Variants in TSPEAR observed in about 807,000 individuals in gnomAD.
TSPEAR encodes thrombospondin-type laminin G domain and EAR repeat-containing protein.
In TSPEAR, 69 loss-of-function variants were observed where a neutral mutation model predicts 71.6. The ratio of observed to expected loss-of-function variants is 0.96; its 90% confidence interval spans 0.79 to 1.18. The LOEUF (loss-of-function observed/expected upper bound fraction) is 1.18. Ranked by LOEUF, TSPEAR falls within the 50% of genes most tolerant of loss-of-function variation. The pLI, the probability that TSPEAR is intolerant of heterozygous loss-of-function variation, is 0.00. For synonymous variants in TSPEAR, 402 were observed against 387.2 expected, an observed-to-expected ratio of 1.04 and a Z score of -0.45; for missense variants, 971 against 894.9, an observed-to-expected ratio of 1.09 and a Z score of -1.09.
At chr21:44,657,790 G>C in intron 1 of TSPEAR, 1 of 612,972 alleles carries the variant, frequency 1.6e-6, no homozygotes, top group South Asian at 1.9e-5. Flanking sequence ...ATTTATGGTG[G>C]AGCATGACGC....
chr21:44,601,742 C>A, intron 1 of TSPEAR: 1 of 1,603,632 alleles, frequency 6.2e-7, no homozygotes, highest in East Asian at 2.2e-5. Flanking sequence ...TGAGTGATCT[C>A]CTTAAGATCA....
intron 1 of TSPEAR, among the ~76,000 whole-genome samples, chr21:44,653,842 G>A (rs1301403452): frequency 6.6e-6 from 1 of 152,184 alleles, no homozygotes; most frequent in Admixed American, 6.5e-5. Context: ...GCCCGAGAGG[G>A]TGCTGTTGAG....
intron 1 of TSPEAR, among the ~76,000 whole-genome samples, chr21:44,648,677 A>G (rs1984586327): frequency 6.6e-6 from 1 of 152,218 alleles, no homozygotes; most frequent in African/African-American, 2.4e-5. Context: ...CTGTGCAGCC[A>G]GCGGGCAGAC....
intron 8 of TSPEAR, among the ~76,000 whole-genome samples, chr21:44,523,358 G>T (rs2052775850): frequency 6.6e-6 from 1 of 151,660 alleles, no homozygotes; most frequent in Admixed American, 6.6e-5. Context: ...GGTCAGTTGT[G>T]TCAGTCAGTC....
Position 44,616,764 on chromosome 21 carries a change from C to G in TSPEAR, c.83-48759G>C, listed in dbSNP as rs587729306. ...AGCGCAGGCAGCGCACGGACAGAGTCTGCGGTGTGACCACACCAAGCAGCC... is the reference window on the plus strand; with the variant it reads ...AGCGCAGGCAGCGCACGGACAGAGTGTGCGGTGTGACCACACCAAGCAGCC... On this transcript the variant is annotated intron_variant, in intron 1 of 11. Coordinates refer to ENST00000323084, the MANE Select transcript of TSPEAR (RefSeq NM_144991.3). 1.8e-4 allele frequency among the ~76,000 whole-genome samples: 28 copies of G among 152,388 alleles called. No individual in the cohort carries two copies. The South Asian group carries it at 4.8e-3, about 26-fold the overall frequency.
At position 44,612,614 on chromosome 21, in the gene TSPEAR, A is replaced by G. The variant is rs782611877; in HGVS notation, c.83-44609T>C. On this transcript the variant is annotated intron_variant, in intron 1 of 11. Coordinates refer to ENST00000323084, the MANE Select transcript of TSPEAR (RefSeq NM_144991.3). This position sits in a 1 kb window ranked among gnomAD's most constrained non-coding sequence, Gnocchi z 4.1. ...GGCCTGCTGTGTGCCCATCTGCTGC[A>G]AGCCCATCTGCTGTGTGCCTGTCTG... The G allele has an allele frequency of 6.2e-7, 1 of 1,613,052 alleles. No individual in the cohort carries two copies. Among genetic ancestry groups the G allele is most frequent in the East Asian group, 2.2e-5 (1 of 44,834 alleles).
At chr21:44,517,569 C>T in intron 9 of TSPEAR, 2 of 354,434 alleles carry the variant, frequency 5.6e-6, no homozygotes, top group South Asian at 4.2e-5. Flanking sequence ...TGGCACTGGC[C>T]CATGGGCTGT....
Position 44,623,244 on chromosome 21 carries a change from C to A in TSPEAR, c.83-55239G>T, listed in dbSNP as rs1463552540. Among the ~76,000 whole-genome samples the A allele has an allele frequency of 1.3e-5, 2 of 152,204 alleles. No homozygotes were observed. Among genetic ancestry groups the A allele is most frequent in the Non-Finnish European group, 2.9e-5 (2 of 68,038 alleles). ...TGGGGAGGCAAGATTCAACCCACTA[C>A]ACTCATCTACTTCCTCCTGAGTTGT... On this transcript the variant is annotated intron_variant, in intron 1 of 11. Coordinates refer to ENST00000323084, the MANE Select transcript of TSPEAR (RefSeq NM_144991.3). The surrounding 1 kb of genome is among the most constrained non-coding windows in gnomAD (Gnocchi z 4.5).
At chr21:44,589,167 T>TA (rs1177069610) in intron 1 of TSPEAR, among the ~76,000 whole-genome samples, 2 of 152,056 alleles carry the variant, frequency 1.3e-5, no homozygotes, top group Admixed American at 6.6e-5. Flanking sequence ...AAAATAAAAA[T>TA]AAAAAATAAA....
chr21:44,572,333 C>A (rs1368202159), intron 1 of TSPEAR, among the ~76,000 whole-genome samples: 2 of 152,218 alleles, frequency 1.3e-5, no homozygotes, highest in African/African-American at 2.4e-5. Flanking sequence ...ACCGTCCTGG[C>A]TGAGAAGAAA....
rs61369045 is a variant in TSPEAR, at chr21:44,676,971, C to T, written c.82+34462G>A. 2,625 of 925,286 alleles carry T rather than the reference C, an allele frequency of 2.8e-3. 42 individuals carry two copies. In the African/African-American group the frequency reaches 0.037, roughly 13 times the overall value. The allele number at this position is 925,286 out of a possible 1,614,324, so 57.3% of individuals were successfully genotyped here. A position where few individuals can be genotyped will look rare whatever the true frequency, so the allele number is the denominator to read the frequency against. On this transcript the variant is annotated intron_variant, in intron 1 of 11. Transcript: ENST00000323084. ...CAGTAGAGAGCTTGTCAGCTGGGTC[C>T]GAAACGCTCATTCCTTTCCACCCAG...
At chr21:44,655,092 T>C (rs1398634631) in intron 1 of TSPEAR, among the ~76,000 whole-genome samples, 6 of 152,228 alleles carry the variant, frequency 3.9e-5, no homozygotes, top group African/African-American at 1.2e-4. Flanking sequence ...ATGATGATTA[T>C]TGAGGTAACA....
At chr21:44,681,527 T>G (rs571083769) in intron 1 of TSPEAR, 2 of 374,962 alleles carry the variant, frequency 5.3e-6, no homozygotes, top group East Asian at 8.5e-5. Flanking sequence ...ATCAGCAGAA[T>G]AGATAGCGGG....
chr21:44,689,128 C>T (rs1986994372), intron 1 of TSPEAR, among the ~76,000 whole-genome samples: 1 of 152,154 alleles, frequency 6.6e-6, no homozygotes, highest in Admixed American at 6.5e-5. Context: ...AGGAGGGAAG[C>T]CAGCGGCACG....
chr21:44,604,717 T>C (rs587716610), intron 1 of TSPEAR, among the ~76,000 whole-genome samples: 236 of 152,388 alleles, frequency 1.5e-3, no homozygotes, highest in African/African-American at 5.6e-3. Context: ...TGGCATCAGC[T>C]GTGGGCTTGT....
intron 1 of TSPEAR, chr21:44,675,834 A>G (rs1267619962): frequency 4.9e-6 from 3 of 609,882 alleles, no homozygotes; most frequent in East Asian, 5.5e-5. Flanking sequence ...TTTCCTTGAC[A>G]TGAAATACGA....
intron 1 of TSPEAR, among the ~76,000 whole-genome samples, chr21:44,639,336 G>A (rs933958591): frequency 9.2e-5 from 14 of 152,328 alleles, no homozygotes; most frequent in Middle Eastern, 3.4e-3. Context: ...GAGAGCGCAC[G>A]TCCGGCTCCA....
intron 1 of TSPEAR, among the ~76,000 whole-genome samples, chr21:44,683,236 C>A (rs1002451053): frequency 6.6e-6 from 1 of 152,026 alleles, no homozygotes; most frequent in African/African-American, 2.4e-5. Context: ...GAGATCCACC[C>A]TAGCAAAGTG....
intron 1 of TSPEAR, chr21:44,677,553 G>A (rs930495059): frequency 1.2e-6 from 1 of 866,618 alleles, no homozygotes; most frequent in Non-Finnish European, 1.9e-6. Context: ...TATAGAAGAT[G>A]AGGATGCTTC....
Sources: allele counts gnomAD v4.1 joint callset (sites outside exome capture counted in the v4.1 genomes callset), GRCh38; gene constraint gnomAD v4.1.1; non-coding constraint Gnocchi (gnomAD v3.1); transcripts MANE v1.5; gene names NCBI Gene and HGNC (gene_info 2026-07-23, HGNC 2026-07-21).